MCTP1: variants seen among roughly 807,000 people sequenced by gnomAD.
The protein encoded by MCTP1 is multiple C2 and transmembrane domain containing 1.
MCTP1 carries 69 observed loss-of-function variants against 120.6 expected under a neutral mutation model. The observed-to-expected ratio is 0.57, with a 90% CI of 0.47 to 0.70. The LOEUF is 0.70. Among genes scored for constraint, MCTP1 ranks in the 30% least tolerant of loss-of-function variants. The pLI is 0.00. For missense variants in MCTP1, 1,203 were observed against 1,248.8 expected (o/e 0.96, Z 0.55); for synonymous variants, 529 against 493.1 (o/e 1.07, Z -0.96).
intron 1 of MCTP1, among the ~76,000 whole-genome samples, chr5:95,096,661 C>A (rs1051831650): frequency 1.3e-5 from 2 of 152,098 alleles, no homozygotes; most frequent in African/African-American, 2.4e-5. Context: ...ATTCTTAGAG[C>A]ACAAAAGCTT....
chr5:95,064,745 G>T (rs1459442519), intron 1 of MCTP1, among the ~76,000 whole-genome samples: 3 of 152,168 alleles, frequency 2.0e-5, no homozygotes, highest in African/African-American at 7.2e-5. Context: ...ATCCATAGAA[G>T]TTCCCTTTGA....
intron 3 of MCTP1, among the ~76,000 whole-genome samples, chr5:94,947,763 A>G (rs1418091522): frequency 2.7e-5 from 4 of 149,818 alleles, no homozygotes; most frequent in African/African-American, 9.8e-5. Context: ...CCACAGGTGC[A>G]TGCCACCATG....
intron 1 of MCTP1, among the ~76,000 whole-genome samples, chr5:95,074,032 C>G (rs1366881509): frequency 2.6e-5 from 4 of 152,152 alleles, no homozygotes; most frequent in Admixed American, 2.6e-4. Context: ...AGAAGAATCG[C>G]TTGAACCTGG....
intron 18 of MCTP1, among the ~76,000 whole-genome samples, chr5:94,780,837 T>G (rs917317378): frequency 5.3e-5 from 8 of 152,188 alleles, no homozygotes; most frequent in Non-Finnish European, 1.2e-4. Context: ...TGGCTTATAA[T>G]CCAGTAAAAT....
chr5:94,802,456 C>T (rs1045636434), intron 17 of MCTP1, among the ~76,000 whole-genome samples: 1 of 152,108 alleles, frequency 6.6e-6, no homozygotes, highest in African/African-American at 2.4e-5. Context: ...AGAGAGCTCT[C>T]GAAGGAAGAA....
At chr5:95,081,469 C>A (rs749554219) in intron 1 of MCTP1, 1 of 1,612,202 alleles carries the variant, frequency 6.2e-7, no homozygotes, top group Admixed American at 1.7e-5. Context: ...TTTCAGCTTG[C>A]AGCTGTCTAG....
chr5:95,091,406 T>C (rs1755833405), intron 1 of MCTP1, among the ~76,000 whole-genome samples: 1 of 152,218 alleles, frequency 6.6e-6, no homozygotes, highest in Non-Finnish European at 1.5e-5. Flanking sequence ...GGGATCTATG[T>C]CTTCTCTCCC....
At chr5:94,863,867 C>T (rs1271996944) in intron 17 of MCTP1, among the ~76,000 whole-genome samples, 1 of 151,434 alleles carries the variant, frequency 6.6e-6, no homozygotes, top group Non-Finnish European at 1.5e-5. Flanking sequence ...TGCCTCATGT[C>T]ATTCTTTGCA....
intron 2 of MCTP1, among the ~76,000 whole-genome samples, chr5:95,009,939 G>A (rs994454026): frequency 2.0e-5 from 3 of 152,160 alleles, no homozygotes; most frequent in Non-Finnish European, 4.4e-5. Flanking sequence ...TTCAGTGCCC[G>A]TTACGTAGAA....
chr5:95,262,274 A>G (rs1369299936), intron 1 of MCTP1, among the ~76,000 whole-genome samples: 1 of 152,154 alleles, frequency 6.6e-6, no homozygotes, highest in East Asian at 1.9e-4. Flanking sequence ...TGATCACAGG[A>G]TCACAGGTGA....
intron 17 of MCTP1, among the ~76,000 whole-genome samples, chr5:94,837,382 A>G (rs1790031973): frequency 6.6e-6 from 1 of 152,164 alleles, no homozygotes; most frequent in African/African-American, 2.4e-5. Flanking sequence ...CCCTGTCTCA[A>G]ACAAACAAAA....
In MCTP1 at chr5:94,935,524, T is replaced by G. The variant is rs141896191; in HGVS notation, c.1174-3533A>C. On this transcript the variant is annotated intron_variant, in intron 5 of 22. Coordinates refer to ENST00000515393, the MANE Select transcript of MCTP1 (RefSeq NM_024717.7). ...TTATTCACATTAATGTTCTATTTCC[T>G]ATTTGATTGTTAGGATTTATCTGTA... Among the ~76,000 whole-genome samples, 1,111 of 152,166 alleles carry G rather than the reference T, an allele frequency of 7.3e-3. 17 individuals carry two copies. Among genetic ancestry groups the G allele is most frequent in the African/African-American group, 0.026 (1,077 of 41,566 alleles).
intron 1 of MCTP1, among the ~76,000 whole-genome samples, chr5:95,198,506 T>C (rs111434280): frequency 0.011 from 1,609 of 152,296 alleles, 30 homozygotes; most frequent in African/African-American, 0.037. Flanking sequence ...ACTAATGTAA[T>C]GTTCTAAGCA....
At chr5:94,998,300 G>A (rs12517172) in intron 2 of MCTP1, among the ~76,000 whole-genome samples, 15,060 of 152,196 alleles carry the variant, frequency 0.099, 1,095 homozygotes, top group East Asian at 0.36. Flanking sequence ...CTGGCTAACA[G>A]AGGAGATGGA....
At chr5:94,829,536 C>T (rs1353934799) in intron 17 of MCTP1, among the ~76,000 whole-genome samples, 2 of 152,160 alleles carry the variant, frequency 1.3e-5, no homozygotes, top group East Asian at 3.9e-4. Context: ...GACTCTAGAA[C>T]CTTGGCTCTT....
intron 17 of MCTP1, among the ~76,000 whole-genome samples, chr5:94,812,789 G>A (rs1462020665): frequency 1.3e-5 from 2 of 149,744 alleles, no homozygotes; most frequent in Non-Finnish European, 3.0e-5. Context: ...AAAAAAAAAG[G>A]TGATACAAAA....
intron 1 of MCTP1, among the ~76,000 whole-genome samples, chr5:95,092,731 G>A (rs1012233963): frequency 2.0e-5 from 3 of 152,126 alleles, no homozygotes; most frequent in African/African-American, 7.2e-5. Context: ...AAAGAACACT[G>A]TGAATATACC....
chr5:94,821,249 A>G (rs576815075), intron 17 of MCTP1, among the ~76,000 whole-genome samples: 3 of 152,326 alleles, frequency 2.0e-5, no homozygotes, highest in South Asian at 4.1e-4. Flanking sequence ...TGTCAGCTTT[A>G]TAAAGGCTCT....
intron 1 of MCTP1, chr5:95,068,650 G>T: frequency 5.4e-6 from 2 of 371,528 alleles, no homozygotes; most frequent in Non-Finnish European, 9.2e-6. Flanking sequence ...CATTTCCTTT[G>T]CTGTTCCCAG....
Sources: gnomAD v4.1 joint callset for allele counts (sites outside exome capture counted in the v4.1 genomes callset) on GRCh38, gnomAD v4.1.1 for gene constraint, MANE v1.5 for transcripts, NCBI Gene and HGNC (gene_info 2026-07-23, HGNC 2026-07-21) for gene names.